PCDHGB7: variants seen among roughly 807,000 people sequenced by gnomAD.
The protein encoded by PCDHGB7 is protocadherin gamma-B7.
PCDHGB7 carries 37 observed loss-of-function variants against 61.4 expected under a neutral mutation model. The ratio of observed to expected loss-of-function variants is 0.60; its 90% CI spans 0.46 to 0.79. The LOEUF is 0.79. Ranked by LOEUF, PCDHGB7 falls within the 30% of genes least tolerant of loss-of-function variation. The pLI is 0.00. For missense variants in PCDHGB7, 1,166 were observed against 1,202.5 expected (o/e 0.97, Z 0.45); for synonymous variants, 464 against 503.5 (o/e 0.92, Z 1.05).
chr5:141,484,866 C>A (rs1474623432), intron 1 of PCDHGB7: 9 of 275,500 alleles, frequency 3.3e-5, no homozygotes, highest in Non-Finnish European at 5.5e-5. Context: ...GGTGGGGGAG[C>A]GTGGAGGATA....
In PCDHGB7 at chr5:141,476,780, C is replaced by T. The variant is rs201463036; in HGVS notation, c.2416-18027C>T. On this transcript the variant is annotated intron_variant, in intron 1 of 3. Transcript: ENST00000398594. This position sits in a 1 kb window ranked among gnomAD's most constrained non-coding sequence, Gnocchi z 7.6. ...GCTGACGGCGTTGGACGGAGGGACCCCAGCTCTCTCCGCCAGCCTGCCTAT... is the reference window on the plus strand; with the variant it reads ...GCTGACGGCGTTGGACGGAGGGACCTCAGCTCTCTCCGCCAGCCTGCCTAT... 234 of 1,613,464 alleles carry T rather than the reference C, an allele frequency of 1.5e-4. No individual in the cohort carries two copies. Among genetic ancestry groups the T allele is most frequent in the Non-Finnish European group, 1.9e-4 (227 of 1,180,026 alleles).
chr5:141,509,645 G>C (rs138497208), intron 3 of PCDHGB7, among the ~76,000 whole-genome samples: 8 of 152,338 alleles, frequency 5.3e-5, no homozygotes, highest in African/African-American at 1.9e-4. Context: ...GCCAGGGCCA[G>C]AGTGTGGACT....
intron 1 of PCDHGB7, chr5:141,484,875 T>G: frequency 3.2e-6 from 1 of 317,108 alleles, no homozygotes; most frequent in Non-Finnish European, 5.8e-6. Context: ...GCGTGGAGGA[T>G]AGGGTGGGCT....
At chr5:141,444,804 A>G (rs140326088) in intron 1 of PCDHGB7, among the ~76,000 whole-genome samples, 1 of 152,250 alleles carries the variant, frequency 6.6e-6, no homozygotes, top group Non-Finnish European at 1.5e-5. Flanking sequence ...TCTTTTACTA[A>G]TAGCACACTG....
Position 141,490,983 on chromosome 5 carries a change from C to T in PCDHGB7, c.2416-3824C>T. ...ACTCAGCCCCCCAGCGTCTCCCTCG[C>T]TCTGCTCCTCCTGGCTCCTTGGTCA... On this transcript the variant is annotated intron_variant, in intron 1 of 3. Transcript: ENST00000398594. The surrounding 1 kb of genome is among the most constrained non-coding windows in gnomAD (Gnocchi z 5.4). 2 of 1,614,120 alleles carry T rather than the reference C, an allele frequency of 1.2e-6. No individual in the cohort carries two copies. Among genetic ancestry groups the T allele is most frequent in the South Asian group, 2.2e-5 (2 of 91,082 alleles).
chr5:141,464,266 AAAAAAAAAAAAGC>A (rs2099079689), intron 1 of PCDHGB7, among the ~76,000 whole-genome samples: 2 of 138,926 alleles, frequency 1.4e-5, no homozygotes, highest in Admixed American at 1.4e-4. Flanking sequence ...CTCCGTCTAA[AAAAAAAAAAAAGC>A]AAAAAAAAAA....
chr5:141,478,026 C>T (rs1192406949), intron 1 of PCDHGB7: 2 of 1,614,062 alleles, frequency 1.2e-6, no homozygotes, highest in East Asian at 2.2e-5. Flanking sequence ...GTCCAAGACA[C>T]AGATTCACCC....
intron 1 of PCDHGB7, among the ~76,000 whole-genome samples, chr5:141,447,747 C>A (rs1164160677): frequency 2.0e-5 from 3 of 152,106 alleles, no homozygotes; most frequent in Non-Finnish European, 4.4e-5. Flanking sequence ...AAGAGTCTTG[C>A]ATGTGACTGT....
At chr5:141,464,120 C>G (rs1297254980) in intron 1 of PCDHGB7, among the ~76,000 whole-genome samples, 1 of 151,976 alleles carries the variant, frequency 6.6e-6, no homozygotes, top group African/African-American at 2.4e-5. Flanking sequence ...CAAAAATTAG[C>G]TGGGTGTGGT....
chr5:141,426,439 G>A, intron 1 of PCDHGB7: 1 of 302,400 alleles, frequency 3.3e-6, no homozygotes, highest in Non-Finnish European at 6.5e-6. Flanking sequence ...GAACCTTGCG[G>A]AGGACATGCG....
At position 141,476,973 on chromosome 5, in the gene PCDHGB7, A is replaced by C. The variant is rs1205314116; in HGVS notation, c.2416-17834A>C. Reference sequence around the variant, plus strand: ...GAAATTATTTACTCCTTCGGCAGCCACAACCGCGCCGGCGTGCGGCAACTA... The same window carrying C: ...GAAATTATTTACTCCTTCGGCAGCCCCAACCGCGCCGGCGTGCGGCAACTA... On this transcript the variant is annotated intron_variant, in intron 1 of 3. Coordinates refer to ENST00000398594, the MANE Select transcript of PCDHGB7 (RefSeq NM_018927.4). The surrounding 1 kb of genome is among the most constrained non-coding windows in gnomAD (Gnocchi z 7.6). 6.2e-7 allele frequency: 1 copy of C among 1,614,230 alleles called. No homozygotes were observed. The highest frequency in any genetic ancestry group is 2.2e-5 in the East Asian group (1 of 44,884).
rs748950800 is a variant in PCDHGB7, at chr5:141,476,983, C to T, written c.2416-17824C>T. ...ACTCCTTCGGCAGCCACAACCGCGC[C>T]GGCGTGCGGCAACTATTCGCCTTAG... On this transcript the variant is annotated intron_variant, in intron 1 of 3. Transcript: ENST00000398594. The surrounding 1 kb of genome is among the most constrained non-coding windows in gnomAD (Gnocchi z 7.6). 12 of 1,614,096 alleles carry T rather than the reference C, an allele frequency of 7.4e-6. No individual in the cohort carries two copies. The highest frequency in any genetic ancestry group is 8.5e-7 in the Non-Finnish European group (1 of 1,180,046).
chr5:141,475,128 C>T (rs775275292), intron 1 of PCDHGB7, among the ~76,000 whole-genome samples: 3 of 151,894 alleles, frequency 2.0e-5, no homozygotes, highest in Non-Finnish European at 4.4e-5. Context: ...GGCTTTTTTT[C>T]TTTTTGAAAT....
intron 1 of PCDHGB7, chr5:141,475,820 C>G (rs890721743): frequency 1.1e-5 from 4 of 351,810 alleles, no homozygotes; most frequent in Non-Finnish European, 1.5e-5. Context: ...AAGTTCCTGG[C>G]GCTAGCGCGT....
At chr5:141,454,970 G>A (rs2098808431) in intron 1 of PCDHGB7, among the ~76,000 whole-genome samples, 2 of 151,444 alleles carry the variant, frequency 1.3e-5, no homozygotes, top group African/African-American at 4.9e-5. Context: ...ACCACGCCTG[G>A]CTAATTTTTT....
chr5:141,435,290 A>G (rs2097756551), intron 1 of PCDHGB7, among the ~76,000 whole-genome samples: 1 of 152,158 alleles, frequency 6.6e-6, no homozygotes, highest in African/African-American at 2.4e-5. Context: ...ATCCCAAGTC[A>G]TTTCATGGTT....
intron 1 of PCDHGB7, among the ~76,000 whole-genome samples, chr5:141,447,898 C>T (rs531933709): frequency 3.1e-3 from 465 of 152,088 alleles, no homozygotes; most frequent in Non-Finnish European, 5.5e-3. Context: ...CCAGCCTGGC[C>T]AACATGGTGA....
chr5:141,448,543 G>C (rs1001667281), intron 1 of PCDHGB7, among the ~76,000 whole-genome samples: 3 of 151,988 alleles, frequency 2.0e-5, no homozygotes, highest in Admixed American at 6.6e-5. Context: ...CATTTCTTAT[G>C]CAAATATGTA....
At chr5:141,423,342 C>A in intron 1 of PCDHGB7, 1 of 1,613,824 alleles carries the variant, frequency 6.2e-7, no homozygotes, top group South Asian at 1.1e-5. Flanking sequence ...CCTGCATCTT[C>A]CTGGTCTTTG....
Sources: gnomAD v4.1 joint callset for allele counts (sites outside exome capture counted in the v4.1 genomes callset) on GRCh38, gnomAD v4.1.1 for gene constraint, Gnocchi (gnomAD v3.1) non-coding constraint, MANE v1.5 for transcripts, NCBI Gene and HGNC (gene_info 2026-07-23, HGNC 2026-07-21) for gene names.